The following ARL15 variants were observed in gnomAD, a reference collection of about 807,000 sequenced individuals.
ARL15 encodes the protein ARF like GTPase 15, also known as ADP-ribosylation factor-like protein 15.
A neutral mutation model predicts 25.2 loss-of-function variants in ARL15; 19 were observed. The observed-to-expected ratio is 0.75, with a 90% CI of 0.53 to 1.10. The LOEUF (loss-of-function observed/expected upper bound fraction) is 1.10. ARL15 is among the 50% of genes least tolerant of loss of function. The probability of loss-of-function intolerance (pLI) is 0.00; values close to 1 mark genes in which losing one functional copy is unlikely to be tolerated. For synonymous variants in ARL15, 94 were observed against 86.8 expected (o/e 1.08, Z -0.46); for missense variants, 220 against 246.0 (o/e 0.89, Z 0.71).
chr5:54,220,766 T>C (rs1756350892), intron 1 of ARL15, among the ~76,000 whole-genome samples: 1 of 104,950 alleles, frequency 9.5e-6, no homozygotes, highest in Non-Finnish European at 2.1e-5. Context: ...TAAGAGACAA[T>C]GTGTGTTGTA....
At chr5:54,101,034 C>G (rs1027714000) in intron 4 of ARL15, among the ~76,000 whole-genome samples, 2 of 151,902 alleles carry the variant, frequency 1.3e-5, no homozygotes, top group Admixed American at 6.6e-5. Context: ...AATACATTTT[C>G]TATAGAACCT....
intron 4 of ARL15, among the ~76,000 whole-genome samples, chr5:54,019,088 A>T (rs1749511955): frequency 6.6e-6 from 1 of 152,110 alleles, no homozygotes; most frequent in Admixed American, 6.5e-5. Flanking sequence ...TATGTATGTT[A>T]ATTTATTTAT....
chr5:54,194,834 T>C (rs891009749), intron 1 of ARL15, among the ~76,000 whole-genome samples: 3 of 152,148 alleles, frequency 2.0e-5, no homozygotes, highest in African/African-American at 4.8e-5. Context: ...AAATGAACCA[T>C]GTTTGATCTA....
intron 1 of ARL15, among the ~76,000 whole-genome samples, chr5:54,179,268 C>T (rs955577060): frequency 1.3e-5 from 2 of 152,092 alleles, no homozygotes; most frequent in African/African-American, 4.8e-5. Context: ...AGCTGGGGTT[C>T]GAGCCAGGGT....
chr5:53,969,276 C>T (rs983406543), intron 4 of ARL15, among the ~76,000 whole-genome samples: 4 of 152,138 alleles, frequency 2.6e-5, no homozygotes, highest in Admixed American at 2.0e-4. Flanking sequence ...AACTGAAATA[C>T]TTGCAAAAGT....
intron 1 of ARL15, among the ~76,000 whole-genome samples, chr5:54,218,857 G>A (rs1177766470): frequency 6.6e-6 from 1 of 152,116 alleles, no homozygotes; most frequent in African/African-American, 2.4e-5. Context: ...CCTATGTGAT[G>A]GAGCAGCTGA....
In ARL15 at chr5:54,308,557, C is replaced by T. The variant is rs1038946017; in HGVS notation, c.48+1875G>A. ...AGGGTAAACTTGAGCCCAGGTAAAACAAAAAGGCCAAGTCAAATTTGTGAC... is the reference window on the plus strand; with the variant it reads ...AGGGTAAACTTGAGCCCAGGTAAAATAAAAAGGCCAAGTCAAATTTGTGAC... On this transcript the variant is annotated intron_variant, in intron 1 of 4. Transcript: ENST00000504924. Among the ~76,000 whole-genome samples the T allele has an allele frequency of 2.0e-5, 3 of 152,096 alleles. No homozygotes were observed. The South Asian group carries it at 6.2e-4, about 32-fold the overall frequency.
intron 1 of ARL15, among the ~76,000 whole-genome samples, chr5:54,240,819 G>A (rs575125818): frequency 2.6e-5 from 4 of 152,220 alleles, no homozygotes; most frequent in Non-Finnish European, 4.4e-5. Flanking sequence ...TTTTGTGAGC[G>A]TCAACATGAC....
intron 1 of ARL15, among the ~76,000 whole-genome samples, chr5:54,220,952 A>G (rs577017401): frequency 6.6e-6 from 1 of 152,184 alleles, no homozygotes; most frequent in East Asian, 1.9e-4. Flanking sequence ...ATTCTGAATA[A>G]AATTCCAGAA....
At chr5:54,164,052 G>C (rs2112378185) in intron 2 of ARL15, among the ~76,000 whole-genome samples, 1 of 152,040 alleles carries the variant, frequency 6.6e-6, no homozygotes, top group Non-Finnish European at 1.5e-5. Context: ...CCGTTTTATA[G>C]GCACCACAAA....
chr5:54,291,970 G>C (rs951642923), intron 1 of ARL15, among the ~76,000 whole-genome samples: 1 of 152,138 alleles, frequency 6.6e-6, no homozygotes, highest in Non-Finnish European at 1.5e-5. Context: ...ATTCCTATGA[G>C]CAGCTATACC....
intron 1 of ARL15, among the ~76,000 whole-genome samples, chr5:54,268,535 G>A (rs1299133096): frequency 1.3e-5 from 2 of 152,172 alleles, no homozygotes; most frequent in African/African-American, 4.8e-5. Context: ...TGGAGGAGGA[G>A]AGGCGCTCTG....
chr5:54,247,547 C>G (rs1176345017), intron 1 of ARL15, among the ~76,000 whole-genome samples: 1 of 149,398 alleles, frequency 6.7e-6, no homozygotes, highest in Non-Finnish European at 1.5e-5. Context: ...TTTTCAAACT[C>G]CAAAACACAA....
intron 3 of ARL15, among the ~76,000 whole-genome samples, chr5:54,139,871 A>G (rs1234228196): frequency 6.6e-6 from 1 of 152,180 alleles, no homozygotes; most frequent in Non-Finnish European, 1.5e-5. Context: ...AAGTATTTTA[A>G]GTATGTTCAG....
intron 1 of ARL15, among the ~76,000 whole-genome samples, chr5:54,274,182 A>C (rs1048076564): frequency 1.3e-5 from 2 of 152,116 alleles, no homozygotes. Flanking sequence ...AGCCCAGGGC[A>C]TGAGCAGGTT....
At chr5:54,065,002 T>C (rs1168412869) in intron 4 of ARL15, among the ~76,000 whole-genome samples, 1 of 152,150 alleles carries the variant, frequency 6.6e-6, no homozygotes, top group Admixed American at 6.5e-5. Context: ...TCCATAAACA[T>C]TTGTTGAATG....
chr5:54,099,117 G>A (rs1000942190), intron 4 of ARL15, among the ~76,000 whole-genome samples: 1 of 152,114 alleles, frequency 6.6e-6, no homozygotes, highest in Admixed American at 6.5e-5. Flanking sequence ...ATGCAGGTAG[G>A]CCTATACCTT....
At chr5:54,134,872 T>A (rs1169875326) in intron 3 of ARL15, among the ~76,000 whole-genome samples, 1 of 152,112 alleles carries the variant, frequency 6.6e-6, no homozygotes, top group African/African-American at 2.4e-5. Flanking sequence ...CGTGAGCCAC[T>A]GCGCCCAGCT....
intron 1 of ARL15, among the ~76,000 whole-genome samples, chr5:54,221,861 AC>A (rs1756385338): frequency 6.7e-6 from 1 of 148,386 alleles, no homozygotes; most frequent in Non-Finnish European, 1.5e-5. Flanking sequence ...ACACACACAC[AC>A]ACACACACAA....
Sources: allele counts gnomAD v4.1 joint callset (sites outside exome capture counted in the v4.1 genomes callset), GRCh38; gene constraint gnomAD v4.1.1; transcripts MANE v1.5; gene names NCBI Gene and HGNC (gene_info 2026-07-23, HGNC 2026-07-21).